PDE3B: variants seen among roughly 807,000 people sequenced by gnomAD.
The protein encoded by PDE3B is cGMP-inhibited 3',5'-cyclic phosphodiesterase 3B.
PDE3B carries 66 observed loss-of-function variants against 116.8 expected under a neutral mutation model. The ratio of observed to expected loss-of-function variants is 0.56; its 90% CI spans 0.46 to 0.69. The LOEUF is 0.69. Ranked by LOEUF, PDE3B falls within the 30% of genes least tolerant of loss-of-function variation. The pLI, the probability that PDE3B is intolerant of heterozygous loss-of-function variation, is 0.00. For synonymous variants in PDE3B, 595 were observed against 533.6 expected (o/e 1.12, Z -1.59); for missense variants, 1,384 against 1,368.1 (o/e 1.01, Z -0.18).
chr11:14,671,544 AC>A (rs1854367892), intron 1 of PDE3B, among the ~76,000 whole-genome samples: 1 of 152,164 alleles, frequency 6.6e-6, no homozygotes, highest in African/African-American at 2.4e-5. Context: ...AAGTCATGAG[AC>A]AATTTTATGG....
intron 1 of PDE3B, among the ~76,000 whole-genome samples, chr11:14,705,754 A>G (rs1359337289): frequency 1.3e-5 from 2 of 151,766 alleles, no homozygotes; most frequent in African/African-American, 4.8e-5. Flanking sequence ...GAATGTGGGT[A>G]TTTACTATGG....
At chr11:14,653,149 G>A (rs1012639029) in intron 1 of PDE3B, among the ~76,000 whole-genome samples, 4 of 152,134 alleles carry the variant, frequency 2.6e-5, no homozygotes, top group Admixed American at 1.3e-4. Flanking sequence ...TGCTGAATTT[G>A]TTTGTTCTAA....
intron 1 of PDE3B, among the ~76,000 whole-genome samples, chr11:14,669,279 ATAAC>A (rs1282184572): frequency 2.0e-5 from 3 of 151,908 alleles, no homozygotes; most frequent in African/African-American, 7.3e-5. Flanking sequence ...GTGGGGGAGA[ATAAC>A]TACCCCAGGC....
intron 14 of PDE3B, 112 bp downstream of exon 14, chr11:14,861,478 G>A (rs1264662145): frequency 2.1e-6 from 2 of 944,686 alleles, no homozygotes; most frequent in African/African-American, 1.7e-5. Flanking sequence ...TGCTTTGACT[G>A]GGAAGGGTTA....
chr11:14,693,278 T>G (rs1375925884), intron 1 of PDE3B, among the ~76,000 whole-genome samples: 2 of 152,226 alleles, frequency 1.3e-5, no homozygotes. Context: ...ATGGAGAAGC[T>G]GCAGCAAGTT....
At chr11:14,687,939 A>G (rs1285884515) in intron 1 of PDE3B, among the ~76,000 whole-genome samples, 1 of 152,170 alleles carries the variant, frequency 6.6e-6, no homozygotes, top group Non-Finnish European at 1.5e-5. Context: ...TTTTCATTAT[A>G]TAGATTCAGA....
intron 1 of PDE3B, among the ~76,000 whole-genome samples, chr11:14,762,370 C>T (rs777892863): frequency 7.2e-5 from 11 of 152,060 alleles, no homozygotes; most frequent in East Asian, 1.9e-4. Context: ...TAGAACATCA[C>T]GCTAGATAAT....
chr11:14,800,804 A>G (rs771326109), intron 4 of PDE3B, among the ~76,000 whole-genome samples: 7 of 152,100 alleles, frequency 4.6e-5, no homozygotes, highest in Non-Finnish European at 7.4e-5. Context: ...AATCAAACGC[A>G]GATTTGGTAT....
intron 1 of PDE3B, among the ~76,000 whole-genome samples, chr11:14,733,021 AC>A (rs772291602): frequency 4.6e-5 from 7 of 152,320 alleles, no homozygotes; most frequent in Non-Finnish European, 7.3e-5. Context: ...ATACTTAAAA[AC>A]GTATATGAAA....
chr11:14,829,316 G>A (rs935522947), intron 7 of PDE3B, among the ~76,000 whole-genome samples: 3 of 151,416 alleles, frequency 2.0e-5, no homozygotes, highest in Non-Finnish European at 2.9e-5. Context: ...ATAAATAAAT[G>A]AAAAAAAATC....
chr11:14,804,328 C>T (rs1208240628), intron 5 of PDE3B, among the ~76,000 whole-genome samples: 1 of 151,318 alleles, frequency 6.6e-6, no homozygotes, highest in Non-Finnish European at 1.5e-5. Context: ...TGGTTGCAGA[C>T]CCAGGACAAG....
At chr11:14,820,450 A>C (rs889205219) in intron 7 of PDE3B, among the ~76,000 whole-genome samples, 1 of 152,214 alleles carries the variant, frequency 6.6e-6, no homozygotes, top group African/African-American at 2.4e-5. Flanking sequence ...GCATAAAGTG[A>C]GAATAGGGAT....
intron 1 of PDE3B, among the ~76,000 whole-genome samples, chr11:14,669,365 G>T (rs556706061): frequency 6.6e-6 from 1 of 152,074 alleles, no homozygotes; most frequent in Non-Finnish European, 1.5e-5. Context: ...AGAGGGCAAG[G>T]GGGGCTTTGG....
At position 14,870,219 on chromosome 11, in the gene PDE3B, CATGAAGG is replaced by C. The variant is rs1555008838; in HGVS notation, c.*561_*567del. 6.6e-6 allele frequency: 1 copy of C among 152,322 alleles called. No homozygotes were observed. Among genetic ancestry groups the C allele is most frequent in the Non-Finnish European group, 1.5e-5 (1 of 68,082 alleles). 9.4% of individuals were successfully genotyped at this position (152,322 alleles called of 1,614,324 possible). A position where few individuals can be genotyped will look rare whatever the true frequency, so the allele number is the denominator to read the frequency against. On this transcript the variant is annotated 3_prime_UTR_variant, in exon 16 of 16. Transcript: ENST00000282096. This position sits in a 1 kb window ranked among gnomAD's most constrained non-coding sequence, Gnocchi z 4.1. The stretch of plus-strand genomic sequence containing the variant: ...TGCTATTCTCCCAGCTAGGTTTATC[CATGAAGG>C]ACTGAGTGACCTTTGTTGTATTTAA...
At chr11:14,891,412 C>G in the PDE3B span, 1 of 985,796 alleles carries the variant, frequency 1.0e-6, no homozygotes, top group Non-Finnish European at 1.2e-6. Flanking sequence ...TCAATTCATT[C>G]ACGCGTTCAC....
intron 1 of PDE3B, among the ~76,000 whole-genome samples, chr11:14,729,664 T>G (rs1856402413): frequency 6.6e-6 from 1 of 152,250 alleles, no homozygotes; most frequent in Non-Finnish European, 1.5e-5. Flanking sequence ...ATTCAGAAGT[T>G]GATTAATCTA....
Position 14,869,543 on chromosome 11 carries a change from A to G in PDE3B, c.3222A>G (p.Glu1074=), listed in dbSNP as rs146248381. ...CTGAAAACCACAAGATATGGAAGGAAATCGTAGAGGAAGAAGAAAAATGTA... is the reference window on the plus strand; with the variant it reads ...CTGAAAACCACAAGATATGGAAGGAGATCGTAGAGGAAGAAGAAAAATGTA... The part of the protein sequence containing the change: ...HLTENHKIWK[E]IVEEEEKCKA... Residue 1074 remains glutamate, a synonymous_variant, in exon 16 of 16, where the codon GAA becomes GAG. Coordinates refer to ENST00000282096, the MANE Select transcript of PDE3B (RefSeq NM_000922.4). 1.2e-5 allele frequency: 20 copies of G among 1,613,984 alleles called. No homozygotes were observed. In the Middle Eastern group the frequency reaches 8.3e-4, roughly 67 times the overall value.
intron 3 of PDE3B, among the ~76,000 whole-genome samples, chr11:14,788,654 A>G (rs1858287219): frequency 6.6e-6 from 1 of 151,992 alleles, no homozygotes; most frequent in Non-Finnish European, 1.5e-5. Flanking sequence ...TCATTTATTC[A>G]AACCCAGAAT....
chr11:14,844,092 T>A (rs1187814821), intron 12 of PDE3B, 66 bp downstream of exon 12: 4 of 1,159,412 alleles, frequency 3.5e-6, no homozygotes, highest in Non-Finnish European at 5.1e-6. Flanking sequence ...TGTGTATCCC[T>A]TTATAAATCA....
Sources: allele counts gnomAD v4.1 joint callset (sites outside exome capture counted in the v4.1 genomes callset), GRCh38; gene constraint gnomAD v4.1.1; non-coding constraint Gnocchi (gnomAD v3.1); transcripts MANE v1.5; gene names NCBI Gene and HGNC (gene_info 2026-07-23, HGNC 2026-07-21).